ITGAM: variants seen among roughly 807,000 people sequenced by gnomAD.
The protein encoded by ITGAM is integrin subunit alpha M.
In ITGAM, 79 loss-of-function variants were observed where a neutral mutation model predicts 137.5. The ratio of observed to expected loss-of-function variants is 0.57; its 90% CI spans 0.48 to 0.69. The LOEUF (loss-of-function observed/expected upper bound fraction) is 0.69. ITGAM is among the 30% of genes least tolerant of loss of function. ITGAM has a pLI of 0.00. For missense variants in ITGAM, 1,343 were observed against 1,483.5 expected (o/e 0.91, Z 1.56); for synonymous variants, 583 against 592.3 (o/e 0.98, Z 0.23).
chr16:31,260,232 A>G (rs2079683979), intron 1 of ITGAM, 140 bp downstream of exon 1: 3 of 661,896 alleles, frequency 4.5e-6, no homozygotes, highest in Non-Finnish European at 7.7e-6. Context: ...GGGTTCAAGA[A>G]GAAGCAGGGA....
At chr16:31,329,721 C>G in intron 24 of ITGAM, 77 bp from the exon 25 acceptor site, 1 of 1,275,538 alleles carries the variant, frequency 7.8e-7, no homozygotes, top group South Asian at 1.3e-5. Context: ...TGGCCTGCCC[C>G]GTGGGGAGGG....
intron 14 of ITGAM, among the ~76,000 whole-genome samples, chr16:31,317,709 G>T (rs1012891965): frequency 6.6e-6 from 1 of 152,110 alleles, no homozygotes; most frequent in African/African-American, 2.4e-5. Flanking sequence ...TTAATGTGGT[G>T]CATCACATTT....
In ITGAM at chr16:31,277,877, G is replaced by A. The variant is rs41435245; in HGVS notation, c.1214-90G>A. Reference sequence around the variant, plus strand: ...GTTACCCCAACACAGCAAGCGTGGGGCTGCCCCAGTGCCCCTACTCAAGGG... The same window carrying A: ...GTTACCCCAACACAGCAAGCGTGGGACTGCCCCAGTGCCCCTACTCAAGGG... On this transcript the variant is annotated intron_variant, in intron 11 of 29. Coordinates refer to ENST00000544665, the MANE Select transcript of ITGAM (RefSeq NM_000632.4). 493 of 1,358,938 alleles carry A rather than the reference G, an allele frequency of 3.6e-4. 3 individuals carry two copies. In the African/African-American group the frequency reaches 6.7e-3, roughly 19 times the overall value. The allele number at this position is 1,358,938 out of a possible 1,614,324, so 84.2% of individuals were successfully genotyped here.
rs1296306334 is a variant in ITGAM, at chr16:31,331,890, TGC to T, written c.*184_*185del. The T allele has an allele frequency of 1.4e-5, 8 of 554,408 alleles. No individual in the cohort carries two copies. Among genetic ancestry groups the T allele is most frequent in the Non-Finnish European group, 2.2e-5 (7 of 314,652 alleles). The allele number at this position is 554,408 out of a possible 1,614,324, so 34.3% of individuals were successfully genotyped here. Reference sequence around the variant, plus strand: ...GTGCAAGTGTCTGTGTGCAAGTGTGTGCACATGTGTGCGTGTGCGTGCATGTG... The same window carrying T: ...GTGCAAGTGTCTGTGTGCAAGTGTGTACATGTGTGCGTGTGCGTGCATGTG... On this transcript the variant is annotated 3_prime_UTR_variant, in exon 30 of 30. Transcript: ENST00000544665.
At chr16:31,297,355 G>C (rs2080144662) in intron 12 of ITGAM, among the ~76,000 whole-genome samples, 159 bp from the exon 13 acceptor site, 1 of 152,094 alleles carries the variant, frequency 6.6e-6, no homozygotes, top group Non-Finnish European at 1.5e-5. Context: ...CCTTTAGCTG[G>C]CAGCACATTC....
At chr16:31,270,132 C>G (rs370768843) in intron 5 of ITGAM, among the ~76,000 whole-genome samples, 11 of 118,540 alleles carry the variant, frequency 9.3e-5, no homozygotes, top group South Asian at 2.6e-4. Context: ...CTTCCTTCCT[C>G]CTTTGCTTTC....
chr16:31,273,756 A>G (rs2079877516), intron 8 of ITGAM: 1 of 390,370 alleles, frequency 2.6e-6, no homozygotes, highest in East Asian at 5.1e-5. Context: ...TCTGGTCTCA[A>G]TGGCCTTCCT....
At chr16:31,301,656 T>C (rs1190511293) in intron 14 of ITGAM, among the ~76,000 whole-genome samples, 1 of 152,196 alleles carries the variant, frequency 6.6e-6, no homozygotes, top group Non-Finnish European at 1.5e-5. Context: ...TAATGAATCC[T>C]CAATTTCCAG....
rs1034627999 is a variant in ITGAM, at chr16:31,332,733, T to C, written c.*1026T>C. 3.3e-5 allele frequency: 5 copies of C among 152,270 alleles called. No individual in the cohort carries two copies. Among genetic ancestry groups the C allele is most frequent in the African/African-American group, 1.2e-4 (5 of 41,474 alleles). The allele number at this position is 152,270 out of a possible 1,614,324, so 9.4% of individuals were successfully genotyped here. On this transcript the variant is annotated 3_prime_UTR_variant, in exon 30 of 30. Transcript: ENST00000544665. ...TTCATATTAAGACATAAATTACTTTTTCATTCTTTTATACCGCTGCATAGT... is the reference window on the plus strand; with the variant it reads ...TTCATATTAAGACATAAATTACTTTCTCATTCTTTTATACCGCTGCATAGT...
intron 14 of ITGAM, among the ~76,000 whole-genome samples, chr16:31,315,854 A>G (rs894410418): frequency 4.6e-5 from 7 of 152,148 alleles, no homozygotes; most frequent in African/African-American, 1.7e-4. Flanking sequence ...TTTGTTAAAA[A>G]GACTGTCCTT....
At chr16:31,299,459 C>G (rs2080172641) in intron 14 of ITGAM, among the ~76,000 whole-genome samples, 1 of 152,082 alleles carries the variant, frequency 6.6e-6, no homozygotes. Flanking sequence ...CAAGCATGCA[C>G]CACCATGCCT....
At chr16:31,272,422 ACTATATATATATATATATATATATAT>A (rs1420417524) in intron 7 of ITGAM, among the ~76,000 whole-genome samples, 2 of 48,976 alleles carry the variant, frequency 4.1e-5, no homozygotes, top group African/African-American at 7.3e-5. Flanking sequence ...AGGCCAATTA[ACTATATATATATATATATATATATAT>A]ATATATATAT....
At chr16:31,284,945 A>G (rs2080012492) in intron 12 of ITGAM, among the ~76,000 whole-genome samples, 1 of 152,198 alleles carries the variant, frequency 6.6e-6, no homozygotes, top group Admixed American at 6.5e-5. Flanking sequence ...CAAGCTGCAT[A>G]CAAAACCCCT....
Position 31,324,591 on chromosome 16 carries a change from G to A in ITGAM, c.2157+38G>A, listed in dbSNP as rs1386220473. The A allele has an allele frequency of 6.2e-7, 1 of 1,610,314 alleles. No individual in the cohort carries two copies. Among genetic ancestry groups the A allele is most frequent in the African/African-American group, 1.3e-5 (1 of 74,884 alleles). On this transcript the variant is annotated intron_variant, in intron 17 of 29. Transcript: ENST00000544665. The surrounding 1 kb of genome is among the most constrained non-coding windows in gnomAD (Gnocchi z 4.5). ...GTGGCCAGACCCCTGGGTCTTCCAA[G>A]CATGGAGTGGGCTTGGGGAGCTGAG... is the stretch of plus-strand genomic sequence containing the variant.
chr16:31,279,126 C>T (rs2079941362), intron 12 of ITGAM, among the ~76,000 whole-genome samples: 1 of 152,188 alleles, frequency 6.6e-6, no homozygotes, highest in Non-Finnish European at 1.5e-5. Context: ...TTTTCTTAAT[C>T]CAGTCTATCG....
intron 3 of ITGAM, 117 bp downstream of exon 3, chr16:31,265,615 C>G (rs2144260061): frequency 1.3e-6 from 1 of 786,792 alleles, no homozygotes; most frequent in Non-Finnish European, 2.1e-6. Flanking sequence ...TGCCTCCGTA[C>G]CCTCTCCTCT....
intron 14 of ITGAM, among the ~76,000 whole-genome samples, chr16:31,301,973 T>C (rs1309347191): frequency 2.0e-5 from 3 of 152,064 alleles, no homozygotes; most frequent in Non-Finnish European, 1.5e-5. Context: ...TTGACTTTAA[T>C]CTAAAAAAGT....
Position 31,328,140 on chromosome 16 carries a change from C to T in ITGAM, c.2709-7C>T, listed in dbSNP as rs992606862. Reference sequence around the variant, plus strand: ...AGAGCCGGCTGGAGCTCTTTCTTTCCCTCCAGTGAGAACAACATGCCCAGA... The same window carrying T: ...AGAGCCGGCTGGAGCTCTTTCTTTCTCTCCAGTGAGAACAACATGCCCAGA... On this transcript the variant is annotated splice_polypyrimidine_tract_variant and splice_region_variant and intron_variant, in intron 22 of 29. Transcript: ENST00000544665. The T allele has an allele frequency of 6.2e-7, 1 of 1,610,956 alleles. No homozygotes were observed.
chr16:31,285,863 G>A (rs1165001914), intron 12 of ITGAM, among the ~76,000 whole-genome samples: 1 of 150,448 alleles, frequency 6.6e-6, no homozygotes, highest in East Asian at 1.9e-4. Context: ...GAACACCTGA[G>A]CTCAAGCAAC....
Sources: gnomAD v4.1 joint callset for allele counts (sites outside exome capture counted in the v4.1 genomes callset) on GRCh38, gnomAD v4.1.1 for gene constraint, Gnocchi (gnomAD v3.1) non-coding constraint, MANE v1.5 for transcripts, NCBI Gene and HGNC (gene_info 2026-07-23, HGNC 2026-07-21) for gene names.